LINGO2: variants seen among roughly 807,000 people sequenced by gnomAD.
LINGO2 encodes leucine-rich repeat and immunoglobulin-like domain-containing nogo receptor-interacting protein 2.
Under a neutral mutation model 30.6 loss-of-function variants are expected in LINGO2, and 14 were observed. That is an observed-to-expected ratio of 0.46 (90% CI 0.30 to 0.72). LINGO2 has a LOEUF of 0.72. Ranked by LOEUF, LINGO2 falls within the 30% of genes least tolerant of loss-of-function variation. The pLI is 0.07. For synonymous variants in LINGO2, 317 were observed against 288.5 expected, an observed-to-expected ratio of 1.10 and a Z score of -1.00; for missense variants, 729 against 751.7, an observed-to-expected ratio of 0.97 and a Z score of 0.35.
At chr9:28,297,718 C>T (rs1358272084) in intron 3 of LINGO2, among the ~76,000 whole-genome samples, 3 of 152,188 alleles carry the variant, frequency 2.0e-5, no homozygotes, top group African/African-American at 4.8e-5. Context: ...CTTTGTGTCA[C>T]TCTTATATCT....
intron 5 of LINGO2, among the ~76,000 whole-genome samples, chr9:28,004,665 T>C (rs1277586844): frequency 2.6e-5 from 4 of 152,138 alleles, no homozygotes; most frequent in Admixed American, 6.5e-5. Flanking sequence ...CTCTGGCTTA[T>C]AGTGGATACT....
intron 1 of LINGO2, among the ~76,000 whole-genome samples, chr9:28,525,538 T>C (rs1245052946): frequency 3.9e-5 from 6 of 152,130 alleles, no homozygotes; most frequent in Non-Finnish European, 5.9e-5. Context: ...TTGAGAACAT[T>C]ATGCTAAGTA....
At chr9:28,833,040 T>C in the LINGO2 span, among the ~76,000 whole-genome samples, 20 of 152,260 alleles carry the variant, frequency 1.3e-4, no homozygotes, top group East Asian at 3.9e-3. Context: ...TTTTTTCACA[T>C]TGGAAGCATA....
intron 4 of LINGO2, among the ~76,000 whole-genome samples, chr9:28,247,846 C>T (rs1357853931): frequency 6.6e-6 from 1 of 152,124 alleles, no homozygotes; most frequent in Non-Finnish European, 1.5e-5. Context: ...GGCAAACATG[C>T]ATTTGAAAAT....
chr9:28,301,937 G>T (rs1215839310), intron 3 of LINGO2, among the ~76,000 whole-genome samples: 1 of 152,058 alleles, frequency 6.6e-6, no homozygotes, highest in South Asian at 2.1e-4. Context: ...CATTCTTAAA[G>T]AAAAAATCTT....
At chr9:29,061,451 A>G in the LINGO2 span, among the ~76,000 whole-genome samples, 2 of 152,006 alleles carry the variant, frequency 1.3e-5, no homozygotes, top group South Asian at 2.1e-4. Context: ...AGCTACAGAA[A>G]TCAAAACAGT....
the LINGO2 span, among the ~76,000 whole-genome samples, chr9:29,095,746 G>T: frequency 7.2e-6 from 1 of 138,696 alleles, no homozygotes; most frequent in African/African-American, 2.7e-5. Flanking sequence ...TACAAATCAT[G>T]GGGATTCTGT....
chr9:29,029,840 A>G, the LINGO2 span, among the ~76,000 whole-genome samples: 142 of 150,476 alleles, frequency 9.4e-4, no homozygotes, highest in African/African-American at 3.2e-3. Flanking sequence ...GAAGATATAA[A>G]TCATATTTAA....
At chr9:29,213,257 C>T in the LINGO2 span, among the ~76,000 whole-genome samples, 2 of 152,176 alleles carry the variant, frequency 1.3e-5, no homozygotes, top group Non-Finnish European at 2.9e-5. Flanking sequence ...TTCTCAGTTG[C>T]GGCCGCTCCT....
the LINGO2 span, among the ~76,000 whole-genome samples, chr9:28,881,205 C>T: frequency 6.6e-6 from 1 of 152,100 alleles, no homozygotes; most frequent in Non-Finnish European, 1.5e-5. Flanking sequence ...AGGGGCAGGC[C>T]ACCCCTTCAC....
the LINGO2 span, among the ~76,000 whole-genome samples, chr9:28,938,550 C>G: frequency 3.3e-5 from 5 of 152,098 alleles, no homozygotes; most frequent in African/African-American, 4.8e-5. Flanking sequence ...AATTTCCTAT[C>G]GCCTAGTGAC....
chr9:28,433,161 G>A (rs1314098010), intron 2 of LINGO2, among the ~76,000 whole-genome samples: 1 of 152,072 alleles, frequency 6.6e-6, no homozygotes, highest in African/African-American at 2.4e-5. Context: ...TGGTTTCATG[G>A]GAAGGCATCA....
intron 5 of LINGO2, among the ~76,000 whole-genome samples, chr9:27,961,523 G>C (rs1819845941): frequency 6.6e-6 from 1 of 152,148 alleles, no homozygotes; most frequent in Admixed American, 6.6e-5. Flanking sequence ...AGAGAAAAGA[G>C]ACTGAAGAGG....
chr9:28,175,245 A>G (rs1828717807), intron 4 of LINGO2, among the ~76,000 whole-genome samples: 1 of 151,952 alleles, frequency 6.6e-6, no homozygotes, highest in African/African-American at 2.4e-5. Context: ...AACCTCAACA[A>G]CCTCTGGAGG....
chr9:29,057,106 G>A, the LINGO2 span, among the ~76,000 whole-genome samples: 1 of 151,800 alleles, frequency 6.6e-6, no homozygotes. Context: ...GGAATTTTAA[G>A]ATTTTTTTTT....
At chr9:28,998,419 C>G in the LINGO2 span, among the ~76,000 whole-genome samples, 2 of 152,160 alleles carry the variant, frequency 1.3e-5, no homozygotes, top group South Asian at 2.1e-4. Flanking sequence ...ACACAAAGAG[C>G]TTATTCTTTC....
At chr9:28,830,442 G>A in the LINGO2 span, among the ~76,000 whole-genome samples, 2 of 152,102 alleles carry the variant, frequency 1.3e-5, no homozygotes, top group Admixed American at 1.3e-4. Context: ...GCAAATAGGA[G>A]TCACTGAAGG....
At chr9:28,024,333 G>A (rs1823275035) in intron 4 of LINGO2, among the ~76,000 whole-genome samples, 1 of 152,172 alleles carries the variant, frequency 6.6e-6, no homozygotes, top group South Asian at 2.1e-4. Context: ...CCCGGAGGAT[G>A]GGTGGAGGGT....
the LINGO2 span, among the ~76,000 whole-genome samples, chr9:29,161,344 C>G: frequency 6.6e-6 from 1 of 152,192 alleles, no homozygotes; most frequent in Non-Finnish European, 1.5e-5. Context: ...CCCATCCACC[C>G]ACTCCCCTTG....
Sources: gnomAD v4.1 joint callset for allele counts (sites outside exome capture counted in the v4.1 genomes callset) on GRCh38, gnomAD v4.1.1 for gene constraint, MANE v1.5 for transcripts, NCBI Gene and HGNC (gene_info 2026-07-23, HGNC 2026-07-21) for gene names.